Variants in TRPM8 observed in about 807,000 individuals in gnomAD.
TRPM8 encodes the protein transient receptor potential cation channel subfamily M member 8, also known as TRPM8 cationic channel.
TRPM8 carries 110 observed loss-of-function variants against 133.7 expected under a neutral mutation model. The ratio of observed to expected loss-of-function variants is 0.82; its 90% CI spans 0.70 to 0.96. The LOEUF is 0.96. TRPM8 is among the 40% of genes least tolerant of loss of function. The pLI is 0.00. For synonymous variants in TRPM8, 535 were observed against 532.3 expected (o/e 1.01, Z -0.07); for missense variants, 1,291 against 1,379.5 (o/e 0.94, Z 1.02).
At position 233,969,713 on chromosome 2, in the gene TRPM8, T is replaced by C. The variant is rs766949718; in HGVS notation, c.2044T>C (p.Trp682Arg). ...CCTGTAGAATTTTCTTTCTAAGCAA[T>C]GGTATGGAGAGATTTCCCGAGACAC... Reference protein sequence around the residue: ...PGVQNFLSKQWYGEISRDTKN... With the variant: ...PGVQNFLSKQRYGEISRDTKN... Residue 682 changes from tryptophan (W) to arginine (R), a missense_variant, in exon 16 of 26, where the codon TGG (tryptophan) becomes CGG (arginine). Trp to Arg is a moderately radical substitution (Grantham distance 101, BLOSUM62 -3). Coordinates refer to ENST00000324695, the MANE Select transcript of TRPM8 (RefSeq NM_024080.5). 95 of 1,611,422 alleles carry C rather than the reference T, an allele frequency of 5.9e-5. No individual in the cohort carries two copies. Among genetic ancestry groups the C allele is most frequent in the South Asian group, 1.4e-4 (13 of 91,028 alleles).
At chr2:233,955,079 C>A in intron 10 of TRPM8, 53 bp from the exon 11 acceptor site, 1 of 1,364,364 alleles carries the variant, frequency 7.3e-7, no homozygotes, top group Non-Finnish European at 1.0e-6. Flanking sequence ...GAATGGTTCT[C>A]ACTCTTATTT....
intron 24 of TRPM8, 150 bp from the exon 25 acceptor site, chr2:234,014,412 A>G: frequency 2.1e-6 from 1 of 465,412 alleles, no homozygotes; most frequent in South Asian, 4.2e-5. Flanking sequence ...GAAATATCAC[A>G]TGCCACTCTC....
chr2:233,948,565 G>C (rs1691098643), intron 8 of TRPM8, among the ~76,000 whole-genome samples: 1 of 152,234 alleles, frequency 6.6e-6, no homozygotes, highest in East Asian at 1.9e-4. Context: ...TATCTTACCA[G>C]ATCAAATATT....
At chr2:233,999,952 T>C (rs1692509629) in intron 22 of TRPM8, among the ~76,000 whole-genome samples, 1 of 152,342 alleles carries the variant, frequency 6.6e-6, no homozygotes, top group South Asian at 2.1e-4. Context: ...TGCACTTAGC[T>C]GATTTTCTGT....
At chr2:233,928,321 C>T (rs1691610725) in intron 2 of TRPM8, among the ~76,000 whole-genome samples, 1 of 152,114 alleles carries the variant, frequency 6.6e-6, no homozygotes, top group African/African-American at 2.4e-5. Flanking sequence ...GGATGGGTCT[C>T]CTCTCCTCAG....
chr2:234,014,749 C>T, intron 25 of TRPM8, 95 bp downstream of exon 25: 1 of 473,324 alleles, frequency 2.1e-6, no homozygotes, highest in Non-Finnish European at 3.7e-6. Context: ...TATTTTATTT[C>T]CATAAATTAC....
In TRPM8 at chr2:233,929,280, G is replaced by A. The variant is rs74741515; in HGVS notation, c.118-1388G>A. ...CCTCTTTCATGGGGTCTGGGTTTAAGACATACGACCTATGGGGAAACTTAT... is the reference window on the plus strand; with the variant it reads ...CCTCTTTCATGGGGTCTGGGTTTAAAACATACGACCTATGGGGAAACTTAT... On this transcript the variant is annotated intron_variant, in intron 2 of 25. Coordinates refer to ENST00000324695, the MANE Select transcript of TRPM8 (RefSeq NM_024080.5). 6.5e-4 allele frequency among the ~76,000 whole-genome samples: 99 copies of A among 152,316 alleles called. No individual in the cohort carries two copies. In the East Asian group the frequency reaches 0.018, roughly 28 times the overall value.
intron 25 of TRPM8, among the ~76,000 whole-genome samples, chr2:234,017,036 G>A (rs1469829022): frequency 6.6e-6 from 1 of 152,096 alleles, no homozygotes; most frequent in African/African-American, 2.4e-5. Flanking sequence ...AACCTAGATT[G>A]AATGAGTTTG....
At chr2:233,920,405 A>T (rs1248281280) in intron 1 of TRPM8, among the ~76,000 whole-genome samples, 4 of 152,228 alleles carry the variant, frequency 2.6e-5, no homozygotes, top group Admixed American at 2.6e-4. Context: ...ATTATTGATT[A>T]AAAACATGAA....
At chr2:234,007,622 C>G (rs1692726571) in intron 23 of TRPM8, among the ~76,000 whole-genome samples, 1 of 152,138 alleles carries the variant, frequency 6.6e-6, no homozygotes, top group South Asian at 2.1e-4. Flanking sequence ...CCTGAGGGTT[C>G]AAAACACACC....
chr2:234,000,217 TCTCCTGC>T (rs1692521365), intron 22 of TRPM8, among the ~76,000 whole-genome samples: 1 of 151,906 alleles, frequency 6.6e-6, no homozygotes, highest in African/African-American at 2.4e-5. Flanking sequence ...TTCAAGTGAT[TCTCCTGC>T]CTCAGCCTCC....
Position 233,960,785 on chromosome 2 carries a change from C to T in TRPM8, c.1372C>T (p.Leu458Phe). 1 of 1,613,858 alleles carries T rather than the reference C, an allele frequency of 6.2e-7. No homozygotes were observed. Among genetic ancestry groups the T allele is most frequent in the Non-Finnish European group, 8.5e-7 (1 of 1,179,822 alleles). The change falls in exon 12 of 26, where the codon CTT becomes TTT. Residue 458 changes from leucine to phenylalanine, a missense_variant. Physicochemically the swap from Leu to Phe is conservative, Grantham distance 22. Coordinates refer to ENST00000324695, the MANE Select transcript of TRPM8 (RefSeq NM_024080.5). ...TNDRRWESAD[L>F]QEVMFTALIK... ...TGTTCTTTCTCCTTAGTCTGCTGAC[C>T]TTCAAGAAGTCATGTTTACGGCTCT...
chr2:233,937,556 G>T lies in TRPM8; in HGVS notation c.348+47G>T, dbSNP rs375410984. On this transcript the variant is annotated intron_variant, in intron 4 of 25. Coordinates refer to ENST00000324695, the MANE Select transcript of TRPM8 (RefSeq NM_024080.5). Reference sequence around the variant, plus strand: ...TGGCAGCTAATTCATAGGCCAAAGTGACCTGGGCTACCTTGATTTACTTGG... The same window carrying T: ...TGGCAGCTAATTCATAGGCCAAAGTTACCTGGGCTACCTTGATTTACTTGG... 3.2e-6 allele frequency: 5 copies of T among 1,576,186 alleles called. No individual in the cohort carries two copies. The Admixed American group carries it at 5.2e-5, about 16-fold the overall frequency.
intron 2 of TRPM8, among the ~76,000 whole-genome samples, chr2:233,929,375 A>G (rs758275): frequency 0.42 from 63,206 of 152,076 alleles, 18,565 homozygotes; most frequent in African/African-American, 0.81. Flanking sequence ...CAGGGGCAGA[A>G]GGTGAGAAGG....
At position 233,939,067 on chromosome 2, in the gene TRPM8, A is replaced by C; in HGVS notation, c.418A>C (p.Lys140Gln). ...YELLTQHWHL[K>Q]TPNLVISVTG... ...GCTGCTGACCCAGCACTGGCACCTG[A>C]AAACACCCAACCTGGTCATTTCTGT... Residue 140 changes from lysine (K) to glutamine (Q), a missense_variant, in exon 5 of 26, where the codon AAA becomes CAA. Lys to Gln is a moderately conservative substitution (Grantham distance 53). Coordinates refer to ENST00000324695, the MANE Select transcript of TRPM8 (RefSeq NM_024080.5). The C allele has an allele frequency of 6.2e-7, 1 of 1,614,224 alleles. No individual in the cohort carries two copies. The highest frequency in any genetic ancestry group is 8.5e-7 in the Non-Finnish European group (1 of 1,180,046).
intron 21 of TRPM8, among the ~76,000 whole-genome samples, chr2:233,988,190 CAG>C (rs1692194175): frequency 2.0e-5 from 3 of 152,148 alleles, no homozygotes; most frequent in Admixed American, 2.0e-4. Context: ...CCTCTTTAAA[CAG>C]GGTGAACTGC....
At chr2:233,925,991 G>T (rs1229735911) in intron 1 of TRPM8, among the ~76,000 whole-genome samples, 1 of 152,078 alleles carries the variant, frequency 6.6e-6, no homozygotes, top group Admixed American at 6.5e-5. Flanking sequence ...GAAGTCTTGG[G>T]CGTTAGAGTC....
At chr2:233,961,630 C>CT (rs57935574) in intron 12 of TRPM8, among the ~76,000 whole-genome samples, 108 of 111,660 alleles carry the variant, frequency 9.7e-4, no homozygotes, top group Admixed American at 1.5e-3. Flanking sequence ...CTTTTCTTTT[C>CT]TTTTTTTTTT....
chr2:233,977,532 C>G (rs139881924), intron 17 of TRPM8, among the ~76,000 whole-genome samples: 1 of 152,166 alleles, frequency 6.6e-6, no homozygotes, highest in Admixed American at 6.5e-5. Context: ...GGGCATTAAG[C>G]GGGGAGCTAG....
Sources: gnomAD v4.1 joint callset for allele counts (sites outside exome capture counted in the v4.1 genomes callset) on GRCh38, gnomAD v4.1.1 for gene constraint, MANE v1.5 for transcripts, NCBI Gene and HGNC (gene_info 2026-07-23, HGNC 2026-07-21) for gene names.